The following TANC2 variants were observed in gnomAD, a reference collection of about 807,000 sequenced individuals.
TANC2 encodes the protein tetratricopeptide repeat, ankyrin repeat and coiled-coil containing 2, also known as protein TANC2.
Under a neutral mutation model 210.5 loss-of-function variants are expected in TANC2, and 26 were observed. The observed-to-expected ratio is 0.12, with a 90% CI of 0.09 to 0.17. The LOEUF is 0.17. Among genes scored for constraint, TANC2 ranks in the 10% least tolerant of loss-of-function variants. The pLI, the probability that TANC2 is intolerant of heterozygous loss-of-function variation, is 1.00. For missense variants in TANC2, 2,129 were observed against 2,608.9 expected (o/e 0.82, Z 4.01); for synonymous variants, 931 against 967.1 (o/e 0.96, Z 0.69).
At chr17:63,009,769 C>T (rs1358896043) in intron 2 of TANC2, 143 bp downstream of exon 2, 1 of 672,496 alleles carries the variant, frequency 1.5e-6, no homozygotes, top group Non-Finnish European at 2.5e-6. Flanking sequence ...CTTTCATACG[C>T]TTTATTAAGA....
chr17:63,039,106 A>T (rs115165786), intron 2 of TANC2, among the ~76,000 whole-genome samples: 9 of 152,350 alleles, frequency 5.9e-5, no homozygotes, highest in African/African-American at 1.9e-4. Context: ...AGGCCTGTTT[A>T]TGCATTTATA....
At chr17:63,422,166 A>G (rs2049041212) in exon 28 of TANC2, 1 of 555,134 alleles carries the variant, frequency 1.8e-6, no homozygotes, top group African/African-American at 1.9e-5. Flanking sequence ...GTCTGTGCCC[A>G]GCCACATGCT....
chr17:63,112,574 C>T (rs1333863461), intron 4 of TANC2, among the ~76,000 whole-genome samples: 4 of 152,080 alleles, frequency 2.6e-5, no homozygotes, highest in Admixed American at 6.6e-5. Context: ...ACGAAGAACC[C>T]GTTTAGAGTT....
chr17:63,324,503 A>G (rs185624137), intron 11 of TANC2, among the ~76,000 whole-genome samples: 1 of 152,310 alleles, frequency 6.6e-6, no homozygotes, highest in East Asian at 1.9e-4. Flanking sequence ...ACATACATAC[A>G]CAGAAAATGA....
intron 1 of TANC2, among the ~76,000 whole-genome samples, chr17:62,975,446 A>G (rs754528753): frequency 2.0e-5 from 3 of 152,156 alleles, no homozygotes; most frequent in Non-Finnish European, 4.4e-5. Flanking sequence ...TAGTGGGCCT[A>G]TGGAATGAAG....
chr17:63,182,406 G>A, intron 5 of TANC2: 1 of 247,360 alleles, frequency 4.0e-6, no homozygotes, highest in South Asian at 6.3e-5. Flanking sequence ...GGTGGAGGAG[G>A]AGTTGGAAGT....
chr17:63,095,508 T>C (rs2037355127), intron 3 of TANC2, among the ~76,000 whole-genome samples: 2 of 152,140 alleles, frequency 1.3e-5, no homozygotes, highest in South Asian at 2.1e-4. Context: ...TTGATTTGAC[T>C]TGGCCTCCTG....
intron 1 of TANC2, among the ~76,000 whole-genome samples, chr17:62,972,643 A>T (rs183416029): frequency 9.3e-4 from 142 of 152,262 alleles, no homozygotes; most frequent in African/African-American, 3.2e-3. Context: ...TTTTCTTCAG[A>T]ATCTTTCACT....
chr17:63,358,376 A>ATGTGTGTGTGTGTGTGT (rs1555641222), intron 14 of TANC2, among the ~76,000 whole-genome samples: 17 of 81,042 alleles, frequency 2.1e-4, no homozygotes, highest in African/African-American at 5.9e-4. Context: ...AGAGAGAGAG[A>ATGTGTGTGTGTGTGTGT]GTATGTGTGT....
At chr17:63,398,450 T>G (rs1222173940) in intron 18 of TANC2, among the ~76,000 whole-genome samples, 8 of 149,978 alleles carry the variant, frequency 5.3e-5, no homozygotes, top group Non-Finnish European at 1.2e-4. Flanking sequence ...AACGAGACCC[T>G]GTCTCAAAAA....
At chr17:63,282,242 A>C (rs2044080296) in intron 9 of TANC2, among the ~76,000 whole-genome samples, 1 of 152,074 alleles carries the variant, frequency 6.6e-6, no homozygotes, top group Admixed American at 6.6e-5. Context: ...AATATTGCTT[A>C]AGAAAAATGG....
chr17:63,336,673 C>T (rs1485991368), intron 11 of TANC2, among the ~76,000 whole-genome samples: 1 of 152,072 alleles, frequency 6.6e-6, no homozygotes, highest in East Asian at 1.9e-4. Flanking sequence ...CAACTCTGCT[C>T]ATATCAGATA....
chr17:63,172,754 A>G (rs2040446559), intron 5 of TANC2, among the ~76,000 whole-genome samples: 2 of 152,200 alleles, frequency 1.3e-5, no homozygotes, highest in South Asian at 2.1e-4. Context: ...TTATAAATAT[A>G]TATAAATAAC....
chr17:63,178,767 A>G (rs1381458587), intron 5 of TANC2, among the ~76,000 whole-genome samples: 6 of 152,252 alleles, frequency 3.9e-5, no homozygotes, highest in Non-Finnish European at 8.8e-5. Context: ...TGCAAATGCT[A>G]AAAGAATGCT....
At chr17:63,113,598 C>G (rs150945604) in intron 4 of TANC2, among the ~76,000 whole-genome samples, 108 of 152,290 alleles carry the variant, frequency 7.1e-4, no homozygotes, top group East Asian at 6.8e-3. Context: ...GCCTCAACCT[C>G]CTGGGGTCAA....
At chr17:63,327,676 A>G (rs754778512) in intron 11 of TANC2, among the ~76,000 whole-genome samples, 4 of 152,128 alleles carry the variant, frequency 2.6e-5, no homozygotes, top group Admixed American at 6.5e-5. Context: ...CATGGAATCA[A>G]CCTAGATGCC....
At chr17:63,035,411 A>G (rs1356174899) in intron 2 of TANC2, among the ~76,000 whole-genome samples, 1 of 152,186 alleles carries the variant, frequency 6.6e-6, no homozygotes, top group Non-Finnish European at 1.5e-5. Context: ...ATTTTCTTGC[A>G]GTGGTCTGGA....
chr17:63,416,473 C>T (rs1389011091), intron 26 of TANC2, among the ~76,000 whole-genome samples: 1 of 152,206 alleles, frequency 6.6e-6, no homozygotes, highest in East Asian at 1.9e-4. Flanking sequence ...AAAAACTCAG[C>T]TGGACAGAAG....
intron 8 of TANC2, among the ~76,000 whole-genome samples, chr17:63,252,398 T>A (rs1218087968): frequency 6.6e-6 from 1 of 152,166 alleles, no homozygotes; most frequent in East Asian, 1.9e-4. Flanking sequence ...TAGTTATTTT[T>A]AAATGTACAA....
Sources: allele counts gnomAD v4.1 joint callset (sites outside exome capture counted in the v4.1 genomes callset), GRCh38; gene constraint gnomAD v4.1.1; transcripts MANE v1.5; gene names NCBI Gene and HGNC (gene_info 2026-07-23, HGNC 2026-07-21).